The following FAM78B variants were observed in gnomAD, a reference collection of about 807,000 sequenced individuals.
FAM78B encodes family with sequence similarity 78 member B, also known as protein FAM78B.
FAM78B carries 10 observed loss-of-function variants against 20.0 expected under a neutral mutation model. That is an observed-to-expected ratio of 0.50 (90% confidence interval 0.31 to 0.85). FAM78B has a LOEUF of 0.85. Among genes scored for constraint, FAM78B ranks in the 40% least tolerant of loss-of-function variants. FAM78B has a pLI of 0.05. For missense variants in FAM78B, 283 were observed against 345.0 expected (o/e 0.82, Z 1.42); for synonymous variants, 135 against 132.8 (o/e 1.02, Z -0.12).
At chr1:166,103,936 T>C (rs543434152) in intron 1 of FAM78B, among the ~76,000 whole-genome samples, 5 of 152,314 alleles carry the variant, frequency 3.3e-5, no homozygotes, top group East Asian at 1.9e-4. Flanking sequence ...CTGAGGAACA[T>C]TGATGCAAAA....
At chr1:166,109,902 A>G (rs868743737) in intron 1 of FAM78B, among the ~76,000 whole-genome samples, 2,212 of 93,498 alleles carry the variant, frequency 0.024, 368 homozygotes, top group African/African-American at 0.067. Context: ...ATATATATAT[A>G]TATATATATA....
intron 1 of FAM78B, among the ~76,000 whole-genome samples, chr1:166,109,890 GTATA>G (rs1200752162): frequency 0.13 from 2,978 of 23,104 alleles, 581 homozygotes; most frequent in African/African-American, 0.24. Context: ...ATGTATATAT[GTATA>G]TATATATATA....
intron 1 of FAM78B, among the ~76,000 whole-genome samples, chr1:166,117,995 A>G (rs1022043025): frequency 2.0e-5 from 3 of 152,170 alleles, no homozygotes; most frequent in Non-Finnish European, 4.4e-5. Context: ...TTCAGACTGG[A>G]GGGAAGGAGG....
At chr1:166,141,329 T>TG (rs1655268851) in intron 1 of FAM78B, among the ~76,000 whole-genome samples, 1 of 152,226 alleles carries the variant, frequency 6.6e-6, no homozygotes, top group Non-Finnish European at 1.5e-5. Flanking sequence ...ACCAGAGGTT[T>TG]GGGGACATAG....
intron 1 of FAM78B, among the ~76,000 whole-genome samples, chr1:166,080,126 A>G (rs933167264): frequency 6.6e-6 from 1 of 152,218 alleles, no homozygotes; most frequent in African/African-American, 2.4e-5. Flanking sequence ...GTCTGATTCT[A>G]AACACATGCT....
chr1:166,071,600 G>C (rs1409863280), intron 1 of FAM78B, among the ~76,000 whole-genome samples: 1 of 152,224 alleles, frequency 6.6e-6, no homozygotes. Flanking sequence ...TACTTATTGA[G>C]TGTTACTCTA....
intron 1 of FAM78B, among the ~76,000 whole-genome samples, chr1:166,155,054 C>G (rs1197977946): frequency 6.6e-6 from 1 of 152,168 alleles, no homozygotes; most frequent in Non-Finnish European, 1.5e-5. Flanking sequence ...TGGGTCTGAT[C>G]CCAAGACCCT....
At chr1:166,077,306 T>C (rs935127853) in intron 1 of FAM78B, among the ~76,000 whole-genome samples, 6 of 152,204 alleles carry the variant, frequency 3.9e-5, no homozygotes, top group African/African-American at 1.2e-4. Flanking sequence ...TTACTAGTTG[T>C]GTGAACTTTC....
chr1:166,073,820 A>G (rs1350416498), intron 1 of FAM78B, among the ~76,000 whole-genome samples: 3 of 152,154 alleles, frequency 2.0e-5, no homozygotes, highest in Non-Finnish European at 4.4e-5. Context: ...TGCTCACCCA[A>G]TCTTCAAGGT....
At chr1:166,139,300 G>C (rs1436768963) in intron 1 of FAM78B, among the ~76,000 whole-genome samples, 1 of 152,136 alleles carries the variant, frequency 6.6e-6, no homozygotes, top group Non-Finnish European at 1.5e-5. Context: ...ATCAGTAGAA[G>C]AATTCCAAAA....
intron 1 of FAM78B, among the ~76,000 whole-genome samples, chr1:166,107,000 C>A (rs926009175): frequency 2.0e-5 from 3 of 151,812 alleles, no homozygotes; most frequent in African/African-American, 7.3e-5. Flanking sequence ...ACAACAAAGA[C>A]GGTGCTAAGA....
chr1:166,073,536 CTTTT>C (rs201582992), intron 1 of FAM78B, among the ~76,000 whole-genome samples: 9,250 of 135,776 alleles, frequency 0.068, 968 homozygotes, highest in African/African-American at 0.24. Context: ...CTCTTTCTCT[CTTTT>C]TTTTTTTTTT....
intron 1 of FAM78B, among the ~76,000 whole-genome samples, chr1:166,124,063 C>T (rs1279951914): frequency 6.6e-6 from 1 of 152,168 alleles, no homozygotes; most frequent in East Asian, 1.9e-4. Flanking sequence ...CTGCTTTGGC[C>T]TCATCACTCA....
At chr1:166,142,193 A>G (rs772816462) in intron 1 of FAM78B, among the ~76,000 whole-genome samples, 3 of 152,172 alleles carry the variant, frequency 2.0e-5, no homozygotes, top group Non-Finnish European at 4.4e-5. Context: ...ATGGAAAACC[A>G]TTATTGGGGA....
chr1:166,109,655 A>G (rs899576211), intron 1 of FAM78B, among the ~76,000 whole-genome samples: 3 of 151,196 alleles, frequency 2.0e-5, no homozygotes, highest in African/African-American at 7.3e-5. Context: ...CAGTCACACT[A>G]TTGAGTATCT....
chr1:166,078,598 A>G (rs1652428874), intron 1 of FAM78B, among the ~76,000 whole-genome samples: 1 of 152,166 alleles, frequency 6.6e-6, no homozygotes, highest in South Asian at 2.1e-4. Flanking sequence ...TCAAGACTCC[A>G]CTCAGACCCA....
At chr1:166,092,690 A>G (rs1653125663) in intron 1 of FAM78B, among the ~76,000 whole-genome samples, 1 of 152,084 alleles carries the variant, frequency 6.6e-6, no homozygotes, top group African/African-American at 2.4e-5. Flanking sequence ...GCTCCCCAAT[A>G]TGAATTTTGT....
chr1:166,083,886 G>A (rs946398505), intron 1 of FAM78B, among the ~76,000 whole-genome samples: 1 of 147,490 alleles, frequency 6.8e-6, no homozygotes, highest in Admixed American at 6.9e-5. Flanking sequence ...GCTCACAAAT[G>A]AGAACTATTA....
intron 1 of FAM78B, among the ~76,000 whole-genome samples, chr1:166,071,863 G>A (rs988129375): frequency 6.6e-6 from 1 of 152,108 alleles, no homozygotes; most frequent in African/African-American, 2.4e-5. Context: ...AGAATGGAGA[G>A]GACTCAGGCT....
Sources: allele counts gnomAD v4.1 joint callset (sites outside exome capture counted in the v4.1 genomes callset), GRCh38; gene constraint gnomAD v4.1.1; transcripts MANE v1.5; gene names NCBI Gene and HGNC (gene_info 2026-07-23, HGNC 2026-07-21).